Variants in CDH13 observed in about 807,000 individuals in gnomAD.
CDH13 encodes cadherin 13.
CDH13 carries 24 observed loss-of-function variants against 63.8 expected under a neutral mutation model. That is an observed-to-expected ratio of 0.38 (90% confidence interval 0.27 to 0.53). CDH13 has a LOEUF of 0.53. Among genes scored for constraint, CDH13 ranks in the 20% least tolerant of loss-of-function variants. The pLI is 0.85. For synonymous variants in CDH13, 503 were observed against 355.3 expected (o/e 1.42, Z -4.67); for missense variants, 1,049 against 903.1 (o/e 1.16, Z -2.07).
intron 3 of CDH13, among the ~76,000 whole-genome samples, chr16:83,035,897 A>G (rs371909191): frequency 1.1e-4 from 16 of 152,204 alleles, no homozygotes; most frequent in South Asian, 2.1e-4. Flanking sequence ...TGCTACAGCA[A>G]TGACCAACAC....
intron 3 of CDH13, among the ~76,000 whole-genome samples, chr16:83,034,336 T>A (rs959955331): frequency 1.3e-5 from 2 of 152,150 alleles, no homozygotes; most frequent in African/African-American, 2.4e-5. Context: ...CCCTTCAGCA[T>A]CTGTGAAGCT....
At chr16:82,859,824 A>G (rs2039862363) in intron 2 of CDH13, 1 of 152,124 alleles carries the variant, frequency 6.6e-6, no homozygotes, top group African/African-American at 2.4e-5. Context: ...ATGAAGATGC[A>G]CTGTTGAGCA....
intron 7 of CDH13, among the ~76,000 whole-genome samples, chr16:83,599,455 C>A (rs1379626427): frequency 1.3e-5 from 2 of 152,232 alleles, no homozygotes; most frequent in Non-Finnish European, 2.9e-5. Context: ...TGAAAACATT[C>A]ATACTCTTTA....
At chr16:83,066,210 A>G (rs1308646805) in intron 3 of CDH13, among the ~76,000 whole-genome samples, 2 of 152,206 alleles carry the variant, frequency 1.3e-5, no homozygotes, top group Admixed American at 1.3e-4. Flanking sequence ...CATGGTGATG[A>G]TGAGTTCTTC....
At chr16:82,767,205 G>A (rs745452043) in intron 1 of CDH13, among the ~76,000 whole-genome samples, 2 of 152,172 alleles carry the variant, frequency 1.3e-5, no homozygotes, top group African/African-American at 2.4e-5. Context: ...TGTATTCTGA[G>A]TTCTAACAAA....
chr16:82,785,088 G>A (rs1680785422), intron 1 of CDH13, among the ~76,000 whole-genome samples: 1 of 152,184 alleles, frequency 6.6e-6, no homozygotes, highest in Non-Finnish European at 1.5e-5. Context: ...TGCTCTGCCT[G>A]ATGAAGTCTG....
intron 2 of CDH13, among the ~76,000 whole-genome samples, chr16:82,988,197 A>G (rs1159536010): frequency 6.6e-6 from 1 of 152,208 alleles, no homozygotes; most frequent in Admixed American, 6.5e-5. Context: ...ATATGCATGT[A>G]GTGTATATGT....
At chr16:82,638,298 G>A (rs1908935412) in intron 1 of CDH13, among the ~76,000 whole-genome samples, 1 of 152,202 alleles carries the variant, frequency 6.6e-6, no homozygotes. Flanking sequence ...ACTGCTTAGG[G>A]ACTGCTGAGC....
chr16:83,659,901 C>G (rs553246760), intron 8 of CDH13, among the ~76,000 whole-genome samples: 52 of 150,706 alleles, frequency 3.5e-4, no homozygotes, highest in Admixed American at 2.0e-4. Flanking sequence ...ATTCTCCTGT[C>G]TCAGCCTCCC....
At chr16:82,994,232 C>T (rs1190947097) in intron 2 of CDH13, among the ~76,000 whole-genome samples, 1 of 152,156 alleles carries the variant, frequency 6.6e-6, no homozygotes, top group Non-Finnish European at 1.5e-5. Context: ...ACTGGCTTAG[C>T]TTTTCTGTTC....
intron 2 of CDH13, among the ~76,000 whole-genome samples, chr16:82,974,888 C>T (rs1013089023): frequency 2.0e-5 from 3 of 152,290 alleles, no homozygotes; most frequent in South Asian, 2.1e-4. Flanking sequence ...TGCTTTAAGC[C>T]ATTAAGTTCC....
At chr16:83,367,348 T>C (rs1357767632) in intron 6 of CDH13, among the ~76,000 whole-genome samples, 1 of 152,238 alleles carries the variant, frequency 6.6e-6, no homozygotes, top group African/African-American at 2.4e-5. Context: ...GATTATATTT[T>C]ATTTTAAGTT....
intron 5 of CDH13, among the ~76,000 whole-genome samples, chr16:83,281,213 G>C (rs1461566019): frequency 1.3e-5 from 2 of 152,206 alleles, no homozygotes; most frequent in African/African-American, 4.8e-5. Context: ...TGGATATCTT[G>C]CTGCAGCTTC....
At chr16:82,967,333 C>T (rs1244606804) in intron 2 of CDH13, among the ~76,000 whole-genome samples, 1 of 152,092 alleles carries the variant, frequency 6.6e-6, no homozygotes, top group Non-Finnish European at 1.5e-5. Flanking sequence ...GCTCTAATCA[C>T]AACTTGAATT....
chr16:83,531,542 C>T (rs570898396), intron 7 of CDH13, among the ~76,000 whole-genome samples: 1 of 152,198 alleles, frequency 6.6e-6, no homozygotes, highest in Admixed American at 6.5e-5. Flanking sequence ...TGAGACATGC[C>T]TTTCACTTTC....
intron 1 of CDH13, among the ~76,000 whole-genome samples, chr16:82,743,934 C>T (rs2034046643): frequency 1.3e-5 from 2 of 152,122 alleles, no homozygotes; most frequent in Non-Finnish European, 2.9e-5. Flanking sequence ...TTGATTTGTT[C>T]ATCTGGCATG....
chr16:82,930,301 A>G (rs1238276785), intron 2 of CDH13, among the ~76,000 whole-genome samples: 3 of 152,152 alleles, frequency 2.0e-5, no homozygotes. Context: ...ATGGAATCAT[A>G]GAGAGTGTAC....
chr16:83,589,973 G>C (rs1906574149), intron 7 of CDH13, among the ~76,000 whole-genome samples: 1 of 152,170 alleles, frequency 6.6e-6, no homozygotes, highest in African/African-American at 2.4e-5. Flanking sequence ...GGAGGGCAGA[G>C]GGTACAGCAT....
At chr16:83,344,270 G>C (rs546496674) in intron 5 of CDH13, among the ~76,000 whole-genome samples, 64 of 152,286 alleles carry the variant, frequency 4.2e-4, no homozygotes, top group Non-Finnish European at 7.5e-4. Context: ...AGATCTGAAA[G>C]TAGTTCCCTA....
Sources: allele counts gnomAD v4.1 joint callset (sites outside exome capture counted in the v4.1 genomes callset), GRCh38; gene constraint gnomAD v4.1.1; transcripts MANE v1.5; gene names NCBI Gene and HGNC (gene_info 2026-07-23, HGNC 2026-07-21).